The following PASK variants were observed in gnomAD, a reference collection of about 807,000 sequenced individuals.
The protein encoded by PASK is PAS domain containing serine/threonine kinase, also known as PAS domain-containing serine/threonine-protein kinase.
A neutral mutation model predicts 121.0 loss-of-function variants in PASK; 110 were observed. The ratio of observed to expected loss-of-function variants is 0.91; its 90% CI spans 0.78 to 1.06. The LOEUF (loss-of-function observed/expected upper bound fraction) is 1.06. Ranked by LOEUF, PASK falls within the 50% of genes least tolerant of loss-of-function variation. PASK has a pLI of 0.00. For synonymous variants in PASK, 686 were observed against 717.8 expected (o/e 0.96, Z 0.71); for missense variants, 1,643 against 1,702.3 (o/e 0.97, Z 0.61).
intron 9 of PASK, among the ~76,000 whole-genome samples, chr2:241,130,551 C>T (rs2066077663): frequency 6.6e-6 from 1 of 152,150 alleles, no homozygotes; most frequent in African/African-American, 2.4e-5. Context: ...GGCCGCCCCA[C>T]TTCAGCTTGG....
chr2:241,137,815 A>G, intron 6 of PASK, 138 bp downstream of exon 6: 1 of 902,030 alleles, frequency 1.1e-6, no homozygotes, highest in African/African-American at 1.6e-5. Flanking sequence ...GCCTCAGCGC[A>G]CAGGAAGCTC....
At chr2:241,134,744 A>G (rs1313578306) in intron 8 of PASK, 1 of 152,138 alleles carries the variant, frequency 6.6e-6, no homozygotes, top group Non-Finnish European at 1.5e-5. Flanking sequence ...TTCTGCCAGC[A>G]CTGGCCACTC....
chr2:241,106,717 C>T lies in PASK; in HGVS notation c.3821G>A (p.Gly1274Glu). 6.2e-7 allele frequency: 1 copy of T among 1,614,076 alleles called. No individual in the cohort carries two copies. Among genetic ancestry groups the T allele is most frequent in the Non-Finnish European group, 8.5e-7 (1 of 1,179,940 alleles). Residue 1274 changes from glycine (G) to glutamate (E), a missense_variant, in exon 18 of 18, where the codon GGA becomes GAA. By Grantham distance (98) the Gly-to-Glu change is moderately conservative (BLOSUM62 -2). Around this residue, in one of 3 missense-constraint regions of PASK, gnomAD observed 453 missense variants for 511.2 expected, o/e 0.89. Transcript: ENST00000234040. ...EVFRVNKPES[G>E]VLSAASLEMG... is the part of the protein sequence containing the mutation. ...CTCCAGGCTCGCAGCGGACAGAACTCCACTTTCTGAAGAAACAAGAAGGTA... is the reference window on the plus strand; with the variant it reads ...CTCCAGGCTCGCAGCGGACAGAACTTCACTTTCTGAAGAAACAAGAAGGTA...
At chr2:241,150,157 C>T (rs887213448), upstream of PASK, 32 of 1,273,156 alleles carry the variant, frequency 2.5e-5, 1 homozygote, top group Non-Finnish European at 2.5e-5. Flanking sequence ...AGTCAACTCT[C>T]AAGCCCAGGG....
At position 241,127,333 on chromosome 2, in the gene PASK, C is replaced by A; in HGVS notation, c.1582G>T (p.Asp528Tyr). Residue 528 changes from aspartate to tyrosine, a missense_variant, in exon 10 of 18, where the codon GAT becomes TAT. Around this residue, in one of 3 missense-constraint regions of PASK, gnomAD observed 1,176 missense variants for 1,162.2 expected, o/e 1.01. Coordinates refer to ENST00000234040, the MANE Select transcript of PASK (RefSeq NM_015148.4). ...EPVAIESPGQ[D>Y]LLGESRSEPV... ...TCAGACCTGCTTTCTCCCAGAAGAT[C>A]CTGTCCGGGGCTCTCTATTGCCACA... is the stretch of plus-strand genomic sequence containing the variant. 1 of 1,614,218 alleles carries A rather than the reference C, an allele frequency of 6.2e-7. No individual in the cohort carries two copies. Among genetic ancestry groups the A allele is most frequent in the Non-Finnish European group, 8.5e-7 (1 of 1,180,028 alleles).
At chr2:241,107,552 A>G in intron 16 of PASK, 53 bp from the exon 17 acceptor site, 2 of 1,573,138 alleles carry the variant, frequency 1.3e-6, no homozygotes, top group Non-Finnish European at 1.7e-6. Flanking sequence ...GAAGTGGAGC[A>G]CATCTCAGAT....
chr2:241,119,002 T>C, intron 12 of PASK: 1 of 950,780 alleles, frequency 1.1e-6, no homozygotes, highest in Non-Finnish European at 1.3e-6. Context: ...AGGCTGGGCC[T>C]TGCGCCATCG....
In PASK at chr2:241,106,639, C is replaced by A. The variant is rs1296510366; in HGVS notation, c.3899G>T (p.Gly1300Val). Residue 1300 changes from glycine (G) to valine (V), a missense_variant, in exon 18 of 18, where the codon GGC becomes GTC. Transcript: ENST00000234040. ...ATTAGGAGCCTCGCCTGGAACGGGG[C>A]CCCCACAAAGCTCCTGAGCCTGGGC... ...DVAQAQELCG[G>V]PVPGEAPNGQ... is the part of the protein sequence containing the mutation. 1.9e-6 allele frequency: 3 copies of A among 1,613,922 alleles called. No homozygotes were observed. The highest frequency in any genetic ancestry group is 2.5e-6 in the Non-Finnish European group (3 of 1,179,974).
In PASK at chr2:241,127,084, G is replaced by A; in HGVS notation, c.1831C>T (p.Pro611Ser). The change falls in exon 10 of 18, where the codon CCT (proline) becomes TCT (serine). Residue 611 changes from proline (P) to serine (S), a missense_variant. By Grantham distance (74) the Pro-to-Ser change is moderately conservative. This residue lies in a region of PASK where 1,176 missense variants were observed against 1,162.2 expected (regional missense o/e 1.01). Coordinates refer to ENST00000234040, the MANE Select transcript of PASK (RefSeq NM_015148.4). ...AAGCCCCATTCACTCCCATAGCAAG[G>A]GCAGTGCATCAGGAGGCTGCCCCCC... ...LAGGSLLMHC[P>S]CYGSEWGLWW... The A allele has an allele frequency of 1.2e-6, 2 of 1,614,102 alleles. No individual in the cohort carries two copies. Among genetic ancestry groups the A allele is most frequent in the South Asian group, 2.2e-5 (2 of 91,080 alleles).
At chr2:241,135,429 G>A (rs917455448) in intron 8 of PASK, among the ~76,000 whole-genome samples, 1 of 152,078 alleles carries the variant, frequency 6.6e-6, no homozygotes, top group Non-Finnish European at 1.5e-5. Context: ...ACCAGTACTG[G>A]ATTTCTGAGG....
At position 241,127,346 on chromosome 2, in the gene PASK, C is replaced by T. The variant is rs762208829; in HGVS notation, c.1569G>A (p.Glu523=). 6.2e-7 allele frequency: 1 copy of T among 1,614,218 alleles called. No homozygotes were observed. Among genetic ancestry groups the T allele is most frequent in the Non-Finnish European group, 8.5e-7 (1 of 1,180,022 alleles). Residue 523 remains glutamate, a synonymous_variant, in exon 10 of 18, where the codon GAG becomes GAA. Coordinates refer to ENST00000234040, the MANE Select transcript of PASK (RefSeq NM_015148.4). ...CTCCCAGAAGATCCTGTCCGGGGCT[C>T]TCTATTGCCACAGGTTCCTCTCTCC... The part of the protein sequence containing the change: ...ALGREEPVAI[E]SPGQDLLGES...
rs978364577 is a variant in PASK, at chr2:241,138,231, T to C, written c.742-144A>G. On this transcript the variant is annotated intron_variant, in intron 5 of 17. Transcript: ENST00000234040. ...GGCAAGAGACATATACACATGAATT[T>C]GATAAGAGCTTCATCATCTGTCTCC... The C allele has an allele frequency of 7.4e-6, 6 of 811,914 alleles. No individual in the cohort carries two copies. In the African/African-American group the frequency reaches 1.0e-4, roughly 14 times the overall value. The allele number at this position is 811,914 out of a possible 1,614,324, so 50.3% of individuals were successfully genotyped here.
At chr2:241,114,976 T>C (rs1294020003) in intron 14 of PASK, 67 bp downstream of exon 14, 6 of 1,613,108 alleles carry the variant, frequency 3.7e-6, no homozygotes, top group Non-Finnish European at 5.1e-6. Flanking sequence ...ATCACTGATC[T>C]TTGCAGCCAC....
Position 241,122,775 on chromosome 2 carries a change from A to C in PASK, c.3029T>G (p.Phe1010Cys). The C allele has an allele frequency of 6.2e-7, 1 of 1,614,138 alleles. No homozygotes were observed. The highest frequency in any genetic ancestry group is 8.5e-7 in the Non-Finnish European group (1 of 1,180,008). Residue 1010 changes from phenylalanine to cysteine, a missense_variant, in exon 12 of 18, where the codon TTC becomes TGC. By Grantham distance (205) the Phe-to-Cys change is radical. This residue lies in a region of PASK where 453 missense variants were observed against 511.2 expected (regional missense o/e 0.89). Coordinates refer to ENST00000234040, the MANE Select transcript of PASK (RefSeq NM_015148.4). Reference protein sequence around the residue: ...STMSPLGSGAFGFVWTAVDKE... With the variant: ...STMSPLGSGACGFVWTAVDKE... ...GTCCACAGCAGTCCACACGAAGCCG[A>C]AGGCCCCACTGCCCAGCGGGCTCAT...
chr2:241,122,992 G>A lies in PASK; in HGVS notation c.2905-93C>T, dbSNP rs555935261. ...TGGTCCCCCTGCGTCTTCAGCAGCC[G>A]CCCGAGGCAGGTGTGCCCTGCACTC... On this transcript the variant is annotated intron_variant, in intron 11 of 17. Coordinates refer to ENST00000234040, the MANE Select transcript of PASK (RefSeq NM_015148.4). 9.6e-5 allele frequency: 121 copies of A among 1,262,592 alleles called. 1 individual carries two copies. Among genetic ancestry groups the A allele is most frequent in the Non-Finnish European group, 1.0e-4 (94 of 896,420 alleles). 78.2% of individuals were successfully genotyped at this position (1,262,592 alleles called of 1,614,324 possible).
At position 241,132,969 on chromosome 2, in the gene PASK, C is replaced by A; in HGVS notation, c.1368G>T (p.Lys456Asn). ...GHVVPRDEIRKLMESQDIFTG... is the reference protein window; with the variant it reads ...GHVVPRDEIRNLMESQDIFTG... ...TGAAGATGTCTTGGCTTTCCATCAG[C>A]TTCCGGATCTCATCTCGGGGCACAA... The change falls in exon 9 of 18, where the codon AAG becomes AAT. Residue 456 changes from lysine (K) to asparagine (N), a missense_variant. Around this residue, in one of 3 missense-constraint regions of PASK, gnomAD observed 1,176 missense variants for 1,162.2 expected, o/e 1.01. Coordinates refer to ENST00000234040, the MANE Select transcript of PASK (RefSeq NM_015148.4). 1 of 1,614,052 alleles carries A rather than the reference C, an allele frequency of 6.2e-7. No individual in the cohort carries two copies. The highest frequency in any genetic ancestry group is 8.5e-7 in the Non-Finnish European group (1 of 1,179,912).
chr2:241,121,009 C>T (rs1317647856), intron 12 of PASK, among the ~76,000 whole-genome samples: 1 of 152,172 alleles, frequency 6.6e-6, no homozygotes, highest in Non-Finnish European at 1.5e-5. Flanking sequence ...GAATGAAGTA[C>T]TTATACATGC....
chr2:241,138,597 A>T, intron 5 of PASK, 57 bp downstream of exon 5: 4 of 1,599,366 alleles, frequency 2.5e-6, no homozygotes, highest in Non-Finnish European at 3.4e-6. Flanking sequence ...CTTGCTGAAG[A>T]GGAGAACGAC....
Position 241,107,421 on chromosome 2 carries a change from G to A in PASK, c.3746C>T (p.Pro1249Leu), listed in dbSNP as rs774733627. 1.4e-5 allele frequency: 22 copies of A among 1,613,656 alleles called. 1 individual carries two copies. The highest frequency in any genetic ancestry group is 4.0e-5 in the African/African-American group (3 of 74,898). The change falls in exon 17 of 18, where the codon CCG (proline) becomes CTG (leucine). Residue 1249 changes from proline to leucine, a missense_variant. Coordinates refer to ENST00000234040, the MANE Select transcript of PASK (RefSeq NM_015148.4). ...RTTLEKLVTD[P>L]WVTQPVNLAD... ...AAGATTCACAGGCTGTGTTACCCAC[G>A]GGTCTGTCACCAGCTTCTCCAAGGT...
Sources: gnomAD v4.1 joint callset for allele counts (sites outside exome capture counted in the v4.1 genomes callset) on GRCh38, gnomAD v4.1.1 for gene constraint, gnomAD v4.1.1 regional missense constraint, MANE v1.5 for transcripts, NCBI Gene and HGNC (gene_info 2026-07-23, HGNC 2026-07-21) for gene names.